The following RPRD2 variants were observed in gnomAD, a reference collection of about 807,000 sequenced individuals.
The protein encoded by RPRD2 is regulation of nuclear pre-mRNA domain-containing protein 2.
In RPRD2, 12 loss-of-function variants were observed where a neutral mutation model predicts 104.4. That is an observed-to-expected ratio of 0.11 (90% CI 0.07 to 0.19). The LOEUF (loss-of-function observed/expected upper bound fraction) is 0.19. RPRD2 is among the 10% of genes least tolerant of loss of function. RPRD2 has a pLI of 1.00. For synonymous variants in RPRD2, 714 were observed against 684.9 expected (o/e 1.04, Z -0.66); for missense variants, 1,543 against 1,790.1 (o/e 0.86, Z 2.49).
intron 1 of RPRD2, among the ~76,000 whole-genome samples, chr1:150,416,739 G>A (rs1553888632): frequency 6.6e-6 from 1 of 151,914 alleles, no homozygotes; most frequent in Non-Finnish European, 1.5e-5. Context: ...GGGCGTGGTA[G>A]TGCACACCTG....
At chr1:150,395,994 G>A (rs1662491213) in intron 1 of RPRD2, among the ~76,000 whole-genome samples, 2 of 152,094 alleles carry the variant, frequency 1.3e-5, no homozygotes, top group South Asian at 4.1e-4. Flanking sequence ...CTGCATCCAT[G>A]CCAACTTCTA....
chr1:150,421,185 T>C (rs1449867173), intron 2 of RPRD2, among the ~76,000 whole-genome samples: 3 of 152,212 alleles, frequency 2.0e-5, no homozygotes, highest in Non-Finnish European at 4.4e-5. Context: ...CAGATTCAAG[T>C]TGAACATACA....
intron 1 of RPRD2, among the ~76,000 whole-genome samples, chr1:150,401,922 C>A (rs61817510): frequency 6.7e-6 from 1 of 150,206 alleles, no homozygotes; most frequent in Non-Finnish European, 1.5e-5. Context: ...GGATTACAGG[C>A]GTGAGCCACC....
intron 1 of RPRD2, among the ~76,000 whole-genome samples, chr1:150,404,287 T>C (rs1553886057): frequency 6.6e-6 from 1 of 152,088 alleles, no homozygotes; most frequent in Non-Finnish European, 1.5e-5. Flanking sequence ...CACTCTGTTA[T>C]TCAGGTTGGA....
chr1:150,377,915 T>G (rs1254708154), intron 1 of RPRD2, among the ~76,000 whole-genome samples: 1 of 152,108 alleles, frequency 6.6e-6, no homozygotes, highest in Non-Finnish European at 1.5e-5. Flanking sequence ...GAGAAGTAAA[T>G]TGATTATTTT....
At chr1:150,374,115 G>A (rs985843797) in intron 1 of RPRD2, among the ~76,000 whole-genome samples, 81 of 152,246 alleles carry the variant, frequency 5.3e-4, no homozygotes, top group African/African-American at 1.8e-3. Flanking sequence ...GTGACTTTCC[G>A]CCCTACCATC....
Position 150,462,363 on chromosome 1 carries a change from T to G in RPRD2, c.1411+2046T>G, listed in dbSNP as rs1392376942. On this transcript the variant is annotated intron_variant, in intron 9 of 10. Coordinates refer to ENST00000369068, the MANE Select transcript of RPRD2 (RefSeq NM_015203.5). The stretch of plus-strand genomic sequence containing the variant: ...ATAAGGCTGAGGCATAAGTATCATT[T>G]GAACCCAGAAGGCAGAGGTTGCAGT... 2.6e-5 allele frequency among the ~76,000 whole-genome samples: 4 copies of G among 151,972 alleles called. No homozygotes were observed. The South Asian group carries it at 6.2e-4, about 24-fold the overall frequency.
At chr1:150,397,077 A>G (rs1553884352) in intron 1 of RPRD2, among the ~76,000 whole-genome samples, 1 of 152,012 alleles carries the variant, frequency 6.6e-6, no homozygotes, top group East Asian at 1.9e-4. Flanking sequence ...AGATTCAAGC[A>G]ATTCTCCTAC....
At chr1:150,439,031 C>T (rs113408614) in intron 2 of RPRD2, among the ~76,000 whole-genome samples, 7,254 of 152,080 alleles carry the variant, frequency 0.048, 435 homozygotes, top group African/African-American at 0.13. Context: ...GACGGGGTTT[C>T]ACCATGTTGG....
At position 150,393,668 on chromosome 1, in the gene RPRD2, A is replaced by T. The variant is rs192661778; in HGVS notation, c.206-23928A>T. ...ATCAATAGTAGTGGGATGGCATGAA[A>T]ATTATATGTCTCTTACGGAAGGTAG... On this transcript the variant is annotated intron_variant, in intron 1 of 10. Coordinates refer to ENST00000369068, the MANE Select transcript of RPRD2 (RefSeq NM_015203.5). Among the ~76,000 whole-genome samples, 9 of 152,170 alleles carry T rather than the reference A, an allele frequency of 5.9e-5. No homozygotes were observed. The East Asian group carries it at 1.7e-3, about 29-fold the overall frequency.
rs71578500 is a variant in RPRD2 at position 150,466,011 on chromosome 1, CAAAAAA to C, written c.1612+1302_1612+1307del. Among the ~76,000 whole-genome samples the C allele has an allele frequency of 6.4e-3, 446 of 69,270 alleles. 3 individuals are homozygous for C. The highest frequency in any genetic ancestry group is 0.022 in the African/African-American group (421 of 19,142). 45.4% of individuals were successfully genotyped at this position (69,270 alleles called of 152,430 possible). On this transcript the variant is annotated intron_variant, in intron 10 of 10. Coordinates refer to ENST00000369068, the MANE Select transcript of RPRD2 (RefSeq NM_015203.5). ...CTGGACGACAGAGCAAGACTCAGTC[CAAAAAA>C]AAAAAAAAAAAAAAAAATTTTTTTA... is the stretch of plus-strand genomic sequence containing the variant.
At chr1:150,388,955 C>T (rs1478071800) in intron 1 of RPRD2, among the ~76,000 whole-genome samples, 5 of 151,940 alleles carry the variant, frequency 3.3e-5, no homozygotes, top group Admixed American at 2.6e-4. Flanking sequence ...TAGTTTTTAC[C>T]TACTGTTGTT....
chr1:150,384,727 G>A (rs1372620958), intron 1 of RPRD2, among the ~76,000 whole-genome samples: 1 of 150,110 alleles, frequency 6.7e-6, no homozygotes, highest in African/African-American at 2.4e-5. Flanking sequence ...AGCTGGTCTT[G>A]AACTCCTGAC....
intron 7 of RPRD2, among the ~76,000 whole-genome samples, chr1:150,453,685 T>G (rs1553897078): frequency 6.6e-6 from 1 of 152,250 alleles, no homozygotes; most frequent in Non-Finnish European, 1.5e-5. Flanking sequence ...TGTTTTGTTT[T>G]GTTTAGTGCC....
At chr1:150,421,937 A>G (rs1017088033) in intron 2 of RPRD2, among the ~76,000 whole-genome samples, 3 of 152,048 alleles carry the variant, frequency 2.0e-5, no homozygotes, top group Admixed American at 6.6e-5. Flanking sequence ...TAATCATACC[A>G]TGGCACTCCA....
intron 1 of RPRD2, among the ~76,000 whole-genome samples, chr1:150,376,694 G>GT (rs1660719861): frequency 6.6e-6 from 1 of 151,358 alleles, no homozygotes; most frequent in Non-Finnish European, 1.5e-5. Context: ...TAGAGAAGGG[G>GT]TTTCACCGTG....
At chr1:150,447,403 C>T (rs11800656) in intron 7 of RPRD2, among the ~76,000 whole-genome samples, 9,708 of 149,196 alleles carry the variant, frequency 0.065, 436 homozygotes, top group Non-Finnish European at 0.092. Flanking sequence ...GGCGTGATCT[C>T]GGCTCACTTC....
At chr1:150,454,760 A>G (rs747829794) in intron 7 of RPRD2, among the ~76,000 whole-genome samples, 1 of 152,046 alleles carries the variant, frequency 6.6e-6, no homozygotes, top group Non-Finnish European at 1.5e-5. Context: ...AGGTGGGAGG[A>G]TCGCTTGAAC....
chr1:150,398,197 T>TTTTATTTTAC (rs1662682891), intron 1 of RPRD2, among the ~76,000 whole-genome samples: 1 of 145,982 alleles, frequency 6.9e-6, no homozygotes, highest in South Asian at 2.2e-4. Flanking sequence ...ATTTATTTTA[T>TTTTATTTTAC]TTTATTTTAT....
Sources: allele counts gnomAD v4.1 joint callset (sites outside exome capture counted in the v4.1 genomes callset), GRCh38; gene constraint gnomAD v4.1.1; transcripts MANE v1.5; gene names NCBI Gene and HGNC (gene_info 2026-07-23, HGNC 2026-07-21).